Variants in GALNT11 observed in about 807,000 individuals in gnomAD.
The protein encoded by GALNT11 is polypeptide N-acetylgalactosaminyltransferase 11, also known as UDP-GalNAc:polypeptide N-acetylgalactosaminyltransferase 11.
A neutral mutation model predicts 72.7 loss-of-function variants in GALNT11; 47 were observed. The ratio of observed to expected loss-of-function variants is 0.65; its 90% confidence interval spans 0.51 to 0.82. GALNT11 has a LOEUF of 0.82. Ranked by LOEUF, GALNT11 falls within the 40% of genes least tolerant of loss-of-function variation. The pLI, the probability that GALNT11 is intolerant of heterozygous loss-of-function variation, is 0.00. For synonymous variants in GALNT11, 270 were observed against 286.6 expected (o/e 0.94, Z 0.58); for missense variants, 677 against 778.4 (o/e 0.87, Z 1.55).
chr7:152,056,961 C>T (rs1229237876), intron 1 of GALNT11, among the ~76,000 whole-genome samples: 5 of 151,536 alleles, frequency 3.3e-5, no homozygotes, highest in Admixed American at 6.6e-5. Flanking sequence ...ACCTCAGCCT[C>T]CCAAGTAGCT....
At chr7:152,026,768 A>G (rs2082035956) in intron 1 of GALNT11, among the ~76,000 whole-genome samples, 1 of 152,188 alleles carries the variant, frequency 6.6e-6, no homozygotes, top group East Asian at 1.9e-4. Flanking sequence ...GGAAGCCGCC[A>G]CTTTGAGTTG....
intron 1 of GALNT11, among the ~76,000 whole-genome samples, chr7:152,090,767 G>C (rs1419180594): frequency 2.6e-5 from 4 of 151,626 alleles, no homozygotes; most frequent in Non-Finnish European, 5.9e-5. Flanking sequence ...CCATCTTCCT[G>C]AAGCTTCACA....
At chr7:152,087,796 C>G (rs889942282) in intron 1 of GALNT11, among the ~76,000 whole-genome samples, 2 of 152,150 alleles carry the variant, frequency 1.3e-5, no homozygotes, top group Non-Finnish European at 2.9e-5. Flanking sequence ...GTATCTGACA[C>G]TTTACATATT....
chr7:152,103,217 A>G lies in GALNT11; in HGVS notation c.525A>G (p.Ile175Met). Residue 175 changes from isoleucine to methionine, a missense_variant, in exon 4 of 12, where the codon ATA (isoleucine) becomes ATG (methionine). Coordinates refer to ENST00000430044, the MANE Select transcript of GALNT11 (RefSeq NM_022087.4). The part of the protein sequence containing the change: ...SALLRTVHSV[I>M]DRTPAHLLHE... Reference sequence around the variant, plus strand: ...TGCTTCGGACAGTGCACAGTGTCATAGACCGCACGCCAGCACACCTGCTTC... The same window carrying G: ...TGCTTCGGACAGTGCACAGTGTCATGGACCGCACGCCAGCACACCTGCTTC... 1 of 1,613,832 alleles carries G rather than the reference A, an allele frequency of 6.2e-7. No individual in the cohort carries two copies. The highest frequency in any genetic ancestry group is 8.5e-7 in the Non-Finnish European group (1 of 1,179,794).
intron 1 of GALNT11, among the ~76,000 whole-genome samples, chr7:152,080,284 A>G (rs2129019103): frequency 6.6e-6 from 1 of 152,330 alleles, no homozygotes; most frequent in South Asian, 2.1e-4. Context: ...TGAGGTTAAA[A>G]TAATATGGTA....
intron 1 of GALNT11, among the ~76,000 whole-genome samples, chr7:152,045,690 C>T (rs1000376882): frequency 6.6e-6 from 1 of 151,616 alleles, no homozygotes; most frequent in African/African-American, 2.4e-5. Flanking sequence ...CATAGTCTGG[C>T]TAGTGGTTTG....
At chr7:152,073,381 A>G (rs1204530137) in intron 1 of GALNT11, among the ~76,000 whole-genome samples, 2 of 152,210 alleles carry the variant, frequency 1.3e-5, no homozygotes, top group East Asian at 1.9e-4. Context: ...CAGCTTCCAC[A>G]TATGAATGAG....
rs143405743 is a variant in GALNT11, at chr7:152,084,537, G to A, written c.-38-9653G>A. ...AGGAAGACTTCGTACTTTTGTTGGC[G>A]TGTTGAGTATTTTGTTTCATAATGA... On this transcript the variant is annotated intron_variant, in intron 1 of 11. Transcript: ENST00000430044. 1.1e-3 allele frequency among the ~76,000 whole-genome samples: 171 copies of A among 152,216 alleles called. 1 individual carries two copies. Among genetic ancestry groups the A allele is most frequent in the South Asian group, 6.8e-3 (33 of 4,824 alleles).
intron 1 of GALNT11, among the ~76,000 whole-genome samples, chr7:152,072,442 CTTATT>C (rs2084711997): frequency 6.6e-6 from 1 of 151,940 alleles, no homozygotes; most frequent in Non-Finnish European, 1.5e-5. Flanking sequence ...CTTCAAGTTT[CTTATT>C]TTATAGTAAT....
intron 1 of GALNT11, among the ~76,000 whole-genome samples, chr7:152,043,603 A>T (rs956049489): frequency 6.6e-6 from 1 of 152,314 alleles, no homozygotes; most frequent in East Asian, 1.9e-4. Flanking sequence ...AGCTTGCTGA[A>T]TTCCTGCCTG....
chr7:152,093,099 C>T (rs529036584), intron 1 of GALNT11, among the ~76,000 whole-genome samples: 218 of 152,122 alleles, frequency 1.4e-3, no homozygotes, highest in African/African-American at 4.7e-3. Context: ...TATGGTGGCA[C>T]GCACCTGTAA....
chr7:152,032,815 C>T (rs972792251), intron 1 of GALNT11, among the ~76,000 whole-genome samples: 15 of 152,138 alleles, frequency 9.9e-5, no homozygotes, highest in African/African-American at 2.9e-4. Flanking sequence ...CTTTGGCTAA[C>T]ATATCCCTCC....
intron 2 of GALNT11, among the ~76,000 whole-genome samples, chr7:152,098,374 G>A (rs562474667): frequency 6.6e-6 from 1 of 152,000 alleles, no homozygotes; most frequent in South Asian, 2.1e-4. Context: ...ACAGTGAGCC[G>A]AGATTGCACT....
intron 1 of GALNT11, among the ~76,000 whole-genome samples, chr7:152,063,385 A>G (rs1329596972): frequency 6.6e-6 from 1 of 151,946 alleles, no homozygotes; most frequent in Non-Finnish European, 1.5e-5. Context: ...GCGGTCTATC[A>G]ATTTTGCTGA....
At position 152,110,521 on chromosome 7, in the gene GALNT11, T is replaced by C. The variant is rs2088067967; in HGVS notation, c.963-7T>C. 1.2e-6 allele frequency: 2 copies of C among 1,609,576 alleles called. No homozygotes were observed. Among genetic ancestry groups the C allele is most frequent in the African/African-American group, 2.7e-5 (2 of 74,726 alleles). On this transcript the variant is annotated splice_region_variant and splice_polypyrimidine_tract_variant and intron_variant, in intron 6 of 11. Coordinates refer to ENST00000430044, the MANE Select transcript of GALNT11 (RefSeq NM_022087.4). ...AGGAATGAGTACAGTAATTTTCCTTTTTCTAGGTCACCAACAATGGCTGGA... is the reference window on the plus strand; with the variant it reads ...AGGAATGAGTACAGTAATTTTCCTTCTTCTAGGTCACCAACAATGGCTGGA...
At chr7:152,113,677 GTC>G (rs2088487994) in intron 8 of GALNT11, among the ~76,000 whole-genome samples, 1 of 142,108 alleles carries the variant, frequency 7.0e-6, no homozygotes, top group Non-Finnish European at 1.5e-5. Context: ...ATTCCGTCTG[GTC>G]TCTCTATTGT....
intron 1 of GALNT11, among the ~76,000 whole-genome samples, chr7:152,086,456 A>G (rs2085655735): frequency 6.6e-6 from 1 of 152,236 alleles, no homozygotes; most frequent in African/African-American, 2.4e-5. Flanking sequence ...ACGATTTACT[A>G]TGTAAAAAAT....
At chr7:152,056,181 C>T (rs866747119) in intron 1 of GALNT11, among the ~76,000 whole-genome samples, 2 of 152,132 alleles carry the variant, frequency 1.3e-5, no homozygotes, top group Non-Finnish European at 2.9e-5. Flanking sequence ...TGGAAAATGC[C>T]GTTTAGAATC....
chr7:152,121,008 C>T (rs374571974), intron 11 of GALNT11, 40 bp downstream of exon 11: 1 of 1,593,702 alleles, frequency 6.3e-7, no homozygotes, highest in African/African-American at 1.4e-5. Flanking sequence ...TGCGCAGAGG[C>T]CCACAAGGTT....
Sources: allele counts gnomAD v4.1 joint callset (sites outside exome capture counted in the v4.1 genomes callset), GRCh38; gene constraint gnomAD v4.1.1; transcripts MANE v1.5; gene names NCBI Gene and HGNC (gene_info 2026-07-23, HGNC 2026-07-21).